The following DKK2 variants were observed in gnomAD, a reference collection of about 807,000 sequenced individuals.
The protein encoded by DKK2 is dickkopf Wnt signaling pathway inhibitor 2.
DKK2 carries 11 observed loss-of-function variants against 28.1 expected under a neutral mutation model. The observed-to-expected ratio is 0.39, with a 90% CI of 0.25 to 0.65. DKK2 has a LOEUF of 0.65. Ranked by LOEUF, DKK2 falls within the 30% of genes least tolerant of loss-of-function variation. DKK2 has a pLI of 0.47. For synonymous variants in DKK2, 135 were observed against 126.5 expected, an observed-to-expected ratio of 1.07 and a Z score of -0.45; for missense variants, 326 against 335.5, an observed-to-expected ratio of 0.97 and a Z score of 0.22.
chr4:107,029,131 C>G (rs1723838034), intron 1 of DKK2, among the ~76,000 whole-genome samples: 1 of 152,080 alleles, frequency 6.6e-6, no homozygotes, highest in Admixed American at 6.6e-5. Flanking sequence ...CAGCTGGGAG[C>G]AACAGGGAGT....
intron 1 of DKK2, among the ~76,000 whole-genome samples, chr4:106,930,890 A>T (rs964587873): frequency 2.0e-5 from 3 of 152,206 alleles, no homozygotes; most frequent in African/African-American, 7.2e-5. Flanking sequence ...TGGCAATTAC[A>T]TTTGGGAAAC....
chr4:106,965,006 T>TAGACAGA (rs61154775), intron 1 of DKK2, among the ~76,000 whole-genome samples: 9 of 125,284 alleles, frequency 7.2e-5, no homozygotes, highest in African/African-American at 2.9e-4. Context: ...GATAGATAGA[T>TAGACAGA]TGATTGATTC....
intron 1 of DKK2, among the ~76,000 whole-genome samples, chr4:106,930,629 G>T (rs774882214): frequency 1.3e-5 from 2 of 152,152 alleles, no homozygotes; most frequent in Non-Finnish European, 2.9e-5. Flanking sequence ...CTGGATTCTT[G>T]CAAGACCGTC....
intron 1 of DKK2, among the ~76,000 whole-genome samples, chr4:106,985,934 G>A (rs1723113805): frequency 6.6e-6 from 1 of 151,930 alleles, no homozygotes. Flanking sequence ...AAGGCAAGAA[G>A]AAAGAAGAAA....
chr4:107,035,770 C>T lies in DKK2; in HGVS notation c.-179G>A. 1 of 624,958 alleles carries T rather than the reference C, an allele frequency of 1.6e-6. No individual in the cohort carries two copies. The highest frequency in any genetic ancestry group is 2.8e-6 in the Non-Finnish European group (1 of 359,760). 38.7% of individuals were successfully genotyped at this position (624,958 alleles called of 1,614,324 possible). On this transcript the variant is annotated 5_prime_UTR_variant, in exon 1 of 4. Transcript: ENST00000285311. ...ATGAACTCAGTCTCACGCCTCAGGA[C>T]AGAAATTAGCGGAACCCAAGCGAGA... is the stretch of plus-strand genomic sequence containing the variant.
chr4:106,945,145 T>G (rs1724758012), intron 1 of DKK2, among the ~76,000 whole-genome samples: 2 of 152,118 alleles, frequency 1.3e-5, no homozygotes, highest in South Asian at 4.1e-4. Context: ...TTAAGTAGGA[T>G]GTTTTGAAAA....
chr4:107,035,190 G>A (rs2110379952), intron 1 of DKK2, among the ~76,000 whole-genome samples, 180 bp downstream of exon 1: 1 of 152,172 alleles, frequency 6.6e-6, no homozygotes, highest in South Asian at 2.1e-4. Flanking sequence ...TGCAGGACCA[G>A]CAGCCACCCA....
chr4:107,015,004 CTT>C (rs1240389740), intron 1 of DKK2, among the ~76,000 whole-genome samples: 1 of 151,408 alleles, frequency 6.6e-6, no homozygotes, highest in Non-Finnish European at 1.5e-5. Context: ...TGTTTCTTGT[CTT>C]TTGACATGAC....
chr4:107,035,969 T>C lies in DKK2; in HGVS notation c.-378A>G, dbSNP rs1578387239. 1 of 277,582 alleles carries C rather than the reference T, an allele frequency of 3.6e-6. No individual in the cohort carries two copies. Among genetic ancestry groups the C allele is most frequent in the Non-Finnish European group, 6.9e-6 (1 of 144,052 alleles). 17.2% of individuals were successfully genotyped at this position (277,582 alleles called of 1,614,324 possible). A position where few individuals can be genotyped will look rare whatever the true frequency, so the allele number is the denominator to read the frequency against. ...CTTGGTCCCGCCGGGATCTCGGCGG[T>C]TTAACTCTCCTCTTAATTGATCAGG... is the stretch of plus-strand genomic sequence containing the variant. On this transcript the variant is annotated 5_prime_UTR_variant, in exon 1 of 4. Coordinates refer to ENST00000285311, the MANE Select transcript of DKK2 (RefSeq NM_014421.3).
At chr4:106,950,372 G>C (rs1246370456) in intron 1 of DKK2, among the ~76,000 whole-genome samples, 1 of 152,078 alleles carries the variant, frequency 6.6e-6, no homozygotes, top group Non-Finnish European at 1.5e-5. Context: ...GTGCATTGCT[G>C]CCACTCTATT....
intron 1 of DKK2, among the ~76,000 whole-genome samples, chr4:106,941,542 C>T (rs1724699123): frequency 6.6e-6 from 1 of 152,142 alleles, no homozygotes; most frequent in Non-Finnish European, 1.5e-5. Context: ...GCTACATTCT[C>T]ATTTCTTTGG....
chr4:106,972,890 C>T (rs1178197865), intron 1 of DKK2, among the ~76,000 whole-genome samples: 1 of 152,050 alleles, frequency 6.6e-6, no homozygotes, highest in African/African-American at 2.4e-5. Flanking sequence ...TCCTCTCTGA[C>T]CCTTCCACCC....
intron 1 of DKK2, among the ~76,000 whole-genome samples, chr4:106,971,087 G>A (rs906360364): frequency 6.6e-6 from 1 of 152,072 alleles, no homozygotes; most frequent in African/African-American, 2.4e-5. Context: ...TTGTCACAGT[G>A]TGCAAATGTT....
chr4:106,973,396 CTGT>C (rs1200379745), intron 1 of DKK2, among the ~76,000 whole-genome samples: 1 of 152,194 alleles, frequency 6.6e-6, no homozygotes, highest in East Asian at 1.9e-4. Context: ...TCTCCAGCAT[CTGT>C]TGTTTCCTGA....
At chr4:106,954,673 C>T (rs532744084) in intron 1 of DKK2, among the ~76,000 whole-genome samples, 17 of 152,196 alleles carry the variant, frequency 1.1e-4, no homozygotes, top group African/African-American at 3.6e-4. Context: ...AGGTGTGTGC[C>T]ACCACGCCTG....
rs573328959 is a variant in DKK2 at position 106,955,489 on chromosome 4, T to A, written c.223-29540A>T. Among the ~76,000 whole-genome samples the A allele has an allele frequency of 3.1e-3, 472 of 152,304 alleles. 1 individual carries two copies. Among genetic ancestry groups the A allele is most frequent in the Non-Finnish European group, 4.5e-3 (304 of 68,030 alleles). ...CTGTTGGCTAATTGCTTTCCCCCTA[T>A]GGAATTACACCCAACACACATCAAC... is the stretch of plus-strand genomic sequence containing the variant. On this transcript the variant is annotated intron_variant, in intron 1 of 3. Transcript: ENST00000285311.
intron 1 of DKK2, among the ~76,000 whole-genome samples, chr4:106,938,623 C>A (rs1246452326): frequency 1.3e-5 from 2 of 152,150 alleles, no homozygotes. Flanking sequence ...AGGCCAGCAT[C>A]ATTCTGATAC....
chr4:106,994,472 T>A (rs1723244698), intron 1 of DKK2, among the ~76,000 whole-genome samples: 1 of 144,940 alleles, frequency 6.9e-6, no homozygotes, highest in African/African-American at 2.6e-5. Flanking sequence ...TTTCTCTCTC[T>A]CACACACACA....
chr4:106,937,682 C>G (rs1724617770), intron 1 of DKK2, among the ~76,000 whole-genome samples: 1 of 146,542 alleles, frequency 6.8e-6, no homozygotes, highest in Non-Finnish European at 1.5e-5. Flanking sequence ...CAGCACCACA[C>G]CACACCTATT....
Sources: allele counts gnomAD v4.1 joint callset (sites outside exome capture counted in the v4.1 genomes callset), GRCh38; gene constraint gnomAD v4.1.1; transcripts MANE v1.5; gene names NCBI Gene and HGNC (gene_info 2026-07-23, HGNC 2026-07-21).